Variants in DFFB observed in about 807,000 individuals in gnomAD.
DFFB encodes DNA fragmentation factor 40 kDa subunit.
Under a neutral mutation model 32.7 loss-of-function variants are expected in DFFB, and 29 were observed. That is an observed-to-expected ratio of 0.89 (90% CI 0.66 to 1.21). DFFB has a LOEUF of 1.21. Among genes scored for constraint, DFFB ranks in the 50% most tolerant of loss-of-function variants. The pLI is 0.00. For missense variants in DFFB, 398 were observed against 440.6 expected (o/e 0.90, Z 0.87); for synonymous variants, 170 against 177.1 (o/e 0.96, Z 0.32).
rs775963457 is a variant in DFFB, at chr1:3,883,619, C to A, written c.895C>A (p.Leu299Ile). 6 of 1,613,918 alleles carry A rather than the reference C, an allele frequency of 3.7e-6. No individual in the cohort carries two copies. In the East Asian group the frequency reaches 1.3e-4, roughly 36 times the overall value. Reference sequence around the variant, plus strand: ...TGGCCTGCTTTTTACCTCAGAGAACCTAAAACTAGTGCACATTGTCTGCCA... The same window carrying A: ...TGGCCTGCTTTTTACCTCAGAGAACATAAAACTAGTGCACATTGTCTGCCA... The part of the protein sequence containing the change: ...FYGLLFTSEN[L>I]KLVHIVCHKK... The change falls in exon 7 of 7, where the codon CTA (leucine) becomes ATA (isoleucine). Residue 299 changes from leucine to isoleucine, a missense_variant. Leu to Ile is a conservative substitution (Grantham distance 5). Transcript: ENST00000378209.
chr1:3,858,127 C>T (rs1252819558), intron 1 of DFFB, among the ~76,000 whole-genome samples: 1 of 152,202 alleles, frequency 6.6e-6, no homozygotes, highest in Non-Finnish European at 1.5e-5. Flanking sequence ...GGATTGCAAT[C>T]GTCACCTTAT....
chr1:3,869,985 C>T (rs1448651795), intron 5 of DFFB, among the ~76,000 whole-genome samples: 1 of 152,212 alleles, frequency 6.6e-6, no homozygotes, highest in African/African-American at 2.4e-5. Context: ...GGGGAGCTTG[C>T]AGAGGGCTGC....
At chr1:3,866,907 T>C (rs1644993600) in intron 3 of DFFB, among the ~76,000 whole-genome samples, 1 of 152,072 alleles carries the variant, frequency 6.6e-6, no homozygotes. Context: ...AAGTTCTTTC[T>C]TTTTTTGAGA....
chr1:3,864,702 T>C (rs1644942103), intron 2 of DFFB, among the ~76,000 whole-genome samples: 1 of 151,848 alleles, frequency 6.6e-6, no homozygotes, highest in Non-Finnish European at 1.5e-5. Context: ...ATTATTATGA[T>C]TTTTTTTAGA....
Position 3,872,361 on chromosome 1 carries a change from C to G in DFFB, c.682-111C>G. On this transcript the variant is annotated intron_variant, in intron 5 of 6. Transcript: ENST00000378209. ...ACGGGAGGCGGAGGTTGTAGTAAGC[C>G]GAGATCGGGCCACTGCACTCCAGCC... 6.8e-6 allele frequency: 5 copies of G among 740,728 alleles called. No homozygotes were observed. In the South Asian group the frequency reaches 8.4e-5, roughly 12 times the overall value. 45.9% of individuals were successfully genotyped at this position (740,728 alleles called of 1,614,324 possible).
chr1:3,884,629 G>A lies in DFFB; in HGVS notation c.*888G>A, dbSNP rs1638310720. On this transcript the variant is annotated 3_prime_UTR_variant, in exon 7 of 7. Coordinates refer to ENST00000378209, the MANE Select transcript of DFFB (RefSeq NM_004402.4). ...TCTGTCGCTCAGGCTGGAGTGCAGT[G>A]ATGCAATCTTGGCTCACTGCAACCT... is the stretch of plus-strand genomic sequence containing the variant. 1 of 152,124 alleles carries A rather than the reference G, an allele frequency of 6.6e-6. No homozygotes were observed. Among genetic ancestry groups the A allele is most frequent in the African/African-American group, 2.4e-5 (1 of 41,388 alleles). The allele number at this position is 152,124 out of a possible 1,614,324, so 9.4% of individuals were successfully genotyped here. A position where few individuals can be genotyped will look rare whatever the true frequency, so the allele number is the denominator to read the frequency against.
In DFFB at chr1:3,857,687, G is replaced by A. The variant is rs777656752; in HGVS notation, c.84G>A (p.Glu28=). 6.3e-7 allele frequency: 1 copy of A among 1,580,388 alleles called. No individual in the cohort carries two copies. Among genetic ancestry groups the A allele is most frequent in the Non-Finnish European group, 8.6e-7 (1 of 1,164,388 alleles). ...KFGVAGRSCQ[E]VLRKGCLRFQ... Reference sequence around the variant, plus strand: ...GCGTGGCTGGCCGGAGCTGCCAGGAGGTGCTGCGCAAGGGCTGTCTCCGCT... The same window carrying A: ...GCGTGGCTGGCCGGAGCTGCCAGGAAGTGCTGCGCAAGGGCTGTCTCCGCT... The change falls in exon 1 of 7, where the codon GAG becomes GAA. Residue 28 remains glutamate, a synonymous_variant. Transcript: ENST00000378209.
intron 6 of DFFB, among the ~76,000 whole-genome samples, chr1:3,880,881 C>A (rs1359362064): frequency 6.6e-6 from 1 of 152,186 alleles, no homozygotes; most frequent in East Asian, 1.9e-4. Context: ...CAGGGTTTCC[C>A]TGTGACTTGG....
intron 1 of DFFB, among the ~76,000 whole-genome samples, 163 bp from the exon 2 acceptor site, chr1:3,858,555 C>T (rs1644807900): frequency 6.6e-6 from 1 of 152,266 alleles, no homozygotes; most frequent in South Asian, 2.1e-4. Context: ...CTTGCTCCCG[C>T]TCCCTCATCC....
rs777942798 is a variant in DFFB, at chr1:3,867,925, G to T, written c.431-49G>T. ...GGCTGGGCAGGACACAGACCCAGAG[G>T]CCCCTGGCCTGCCCTGTGGACTTGG... On this transcript the variant is annotated intron_variant, in intron 3 of 6. Transcript: ENST00000378209. 1.9e-6 allele frequency: 3 copies of T among 1,575,200 alleles called. No homozygotes were observed. In the African/African-American group the frequency reaches 4.1e-5, roughly 21 times the overall value.
chr1:3,868,089 T>A (rs1205926869), intron 4 of DFFB, 36 bp downstream of exon 4: 2 of 1,577,542 alleles, frequency 1.3e-6, no homozygotes, highest in Non-Finnish European at 1.7e-6. Flanking sequence ...GCTGGGCGGG[T>A]TTTTGAAGCC....
At position 3,857,641 on chromosome 1, in the gene DFFB, T is replaced by C; in HGVS notation, c.38T>C (p.Leu13Pro). The C allele has an allele frequency of 6.2e-7, 1 of 1,601,726 alleles. No homozygotes were observed. The highest frequency in any genetic ancestry group is 8.5e-7 in the Non-Finnish European group (1 of 1,174,652). ...QKPKSVKLRA[L>P]RSPRKFGVAG... ...CCCAAGAGCGTGAAGCTGCGGGCCC[T>C]GCGCAGCCCGAGGAAGTTCGGCGTG... Residue 13 changes from leucine to proline, a missense_variant, in exon 1 of 7, where the codon CTG becomes CCG. Transcript: ENST00000378209.
chr1:3,869,551 G>GCGGGTT (rs1645067585), intron 4 of DFFB, 54 bp from the exon 5 acceptor site: 16 of 1,549,798 alleles, frequency 1.0e-5, no homozygotes, highest in Non-Finnish European at 1.4e-5. Flanking sequence ...GAGAGCCAGT[G>GCGGGTT]CGGGTTTTGG....
chr1:3,864,906 TC>T (rs1644946362), intron 2 of DFFB, among the ~76,000 whole-genome samples: 1 of 152,202 alleles, frequency 6.6e-6, no homozygotes, highest in Admixed American at 6.5e-5. Flanking sequence ...GTGAAGTGTT[TC>T]TTCCTGTCTC....
In DFFB at chr1:3,857,644, G is replaced by T; in HGVS notation, c.41G>T (p.Arg14Leu). ...KPKSVKLRAL[R>L]SPRKFGVAGR... ...AAGAGCGTGAAGCTGCGGGCCCTGC[G>T]CAGCCCGAGGAAGTTCGGCGTGGCT... is the stretch of plus-strand genomic sequence containing the variant. The change falls in exon 1 of 7, where the codon CGC (arginine) becomes CTC (leucine). Residue 14 changes from arginine to leucine, a missense_variant. By Grantham distance (102) the Arg-to-Leu change is moderately radical. Transcript: ENST00000378209. The T allele has an allele frequency of 1.2e-6, 2 of 1,601,150 alleles. No homozygotes were observed. The highest frequency in any genetic ancestry group is 1.7e-4 in the Middle Eastern group (1 of 6,016).
chr1:3,872,603 G>C, intron 6 of DFFB, 31 bp downstream of exon 6: 6 of 1,337,696 alleles, frequency 4.5e-6, no homozygotes, highest in Non-Finnish European at 6.1e-6. Context: ...TCAGACCCAC[G>C]AGTGCCTGCA....
chr1:3,871,186 G>C (rs1029713505), intron 5 of DFFB, among the ~76,000 whole-genome samples: 3 of 152,232 alleles, frequency 2.0e-5, no homozygotes, highest in African/African-American at 7.2e-5. Flanking sequence ...GTGATCACAC[G>C]GGTAACAGTG....
intron 2 of DFFB, 99 bp downstream of exon 2, chr1:3,858,943 C>A: frequency 6.6e-7 from 1 of 1,516,196 alleles, no homozygotes. Flanking sequence ...AAGAGTCCCC[C>A]TTACTGTGAA....
At position 3,883,676 on chromosome 1, in the gene DFFB, C is replaced by T; in HGVS notation, c.952C>T (p.Pro318Ser). ...KKTTHKLNCD[P>S]SRIYKPQTRL... The stretch of plus-strand genomic sequence containing the variant: ...AACCACCCACAAGCTCAACTGTGAC[C>T]CAAGCAGAATCTACAAACCCCAGAC... Residue 318 changes from proline (P) to serine (S), a missense_variant, in exon 7 of 7, where the codon CCA becomes TCA. Pro to Ser is a moderately conservative substitution (Grantham distance 74). Coordinates refer to ENST00000378209, the MANE Select transcript of DFFB (RefSeq NM_004402.4). 4 of 1,614,060 alleles carry T rather than the reference C, an allele frequency of 2.5e-6. No homozygotes were observed. Among genetic ancestry groups the T allele is most frequent in the Non-Finnish European group, 3.4e-6 (4 of 1,180,032 alleles).
Sources: gnomAD v4.1 joint callset for allele counts (sites outside exome capture counted in the v4.1 genomes callset) on GRCh38, gnomAD v4.1.1 for gene constraint, MANE v1.5 for transcripts, NCBI Gene and HGNC (gene_info 2026-07-23, HGNC 2026-07-21) for gene names.